MYO6: variants seen among roughly 807,000 people sequenced by gnomAD.
MYO6 encodes unconventional myosin-VI.
In MYO6, 74 loss-of-function variants were observed where a neutral mutation model predicts 178.7. The observed-to-expected ratio is 0.41, with a 90% CI of 0.34 to 0.50. The LOEUF (loss-of-function observed/expected upper bound fraction) is 0.50. Among genes scored for constraint, MYO6 ranks in the 20% least tolerant of loss-of-function variants. MYO6 has a pLI of 0.09. For missense variants in MYO6, 1,330 were observed against 1,547.4 expected, an observed-to-expected ratio of 0.86 and a Z score of 2.36; for synonymous variants, 477 against 504.6, an observed-to-expected ratio of 0.95 and a Z score of 0.73.
rs546375259 is a variant in MYO6, at chr6:75,817,608, A to T, written c.61A>T (p.Ile21Phe). 7.4e-6 allele frequency: 12 copies of T among 1,614,178 alleles called. No homozygotes were observed. In the East Asian group the frequency reaches 2.5e-4, roughly 33 times the overall value. ...HPTDGFQMGN[I>F]VDIGPDSLTI... Reference sequence around the variant, plus strand: ...TACAGATGGATTTCAGATGGGCAATATTGTGGATATTGGCCCCGACAGCTT... The same window carrying T: ...TACAGATGGATTTCAGATGGGCAATTTTGTGGATATTGGCCCCGACAGCTT... Residue 21 changes from isoleucine (I) to phenylalanine (F), a missense_variant, in exon 2 of 35, where the codon ATT becomes TTT. Physicochemically the swap from Ile to Phe is conservative, Grantham distance 21. Around this residue, in one of 3 missense-constraint regions of MYO6, gnomAD observed 116 missense variants for 104.6 expected, o/e 1.11. Coordinates refer to ENST00000369977, the MANE Select transcript of MYO6 (RefSeq NM_004999.4).
intron 28 of MYO6, 23 bp from the exon 29 acceptor site, chr6:75,895,208 A>G (rs985372433): frequency 6.3e-7 from 1 of 1,580,704 alleles, no homozygotes; most frequent in South Asian, 1.1e-5. Context: ...TACGATATTA[A>G]CTAAAATATA....
chr6:75,766,857 G>A (rs1778462400), intron 1 of MYO6, among the ~76,000 whole-genome samples: 1 of 152,138 alleles, frequency 6.6e-6, no homozygotes, highest in Admixed American at 6.5e-5. Flanking sequence ...CTCTGAATTT[G>A]CTGTTCATTT....
chr6:75,817,631 C>T lies in MYO6; in HGVS notation c.84C>T (p.Ser28=), dbSNP rs1302800180. ...MGNIVDIGPD[S]LTIEPLNQKG... ...ATATTGTGGATATTGGCCCCGACAGCTTAACAATTGAACCCTTGAATCAGA... is the reference window on the plus strand; with the variant it reads ...ATATTGTGGATATTGGCCCCGACAGTTTAACAATTGAACCCTTGAATCAGA... Residue 28 remains serine, a synonymous_variant, in exon 2 of 35, where the codon AGC becomes AGT. Coordinates refer to ENST00000369977, the MANE Select transcript of MYO6 (RefSeq NM_004999.4). 1 of 1,614,144 alleles carries T rather than the reference C, an allele frequency of 6.2e-7. No individual in the cohort carries two copies. The highest frequency in any genetic ancestry group is 1.1e-5 in the South Asian group (1 of 91,084).
At chr6:75,814,351 A>T (rs1020242445) in intron 1 of MYO6, among the ~76,000 whole-genome samples, 13 of 152,042 alleles carry the variant, frequency 8.6e-5, no homozygotes, top group African/African-American at 3.1e-4. Flanking sequence ...CTTTGATGTG[A>T]TGTTAAAACC....
At position 75,891,265 on chromosome 6, in the gene MYO6, G is replaced by GA; in HGVS notation, c.2907dup (p.Glu970ArgfsTer8). On this transcript the variant is annotated frameshift_variant, in exon 27 of 35. Coordinates refer to ENST00000369977, the MANE Select transcript of MYO6 (RefSeq NM_004999.4). LOFTEE classifies it high-confidence loss of function. ...GGAAGCAAAGAGAAAACAAGAAGAA[G>GA]AAGAGAGAAAGAAAAGGGAAGATGA... 6.2e-7 allele frequency: 1 copy of GA among 1,609,612 alleles called. No homozygotes were observed. Among genetic ancestry groups the GA allele is most frequent in the Admixed American group, 1.7e-5 (1 of 59,832 alleles).
intron 1 of MYO6, among the ~76,000 whole-genome samples, chr6:75,755,202 C>T (rs545466692): frequency 2.8e-4 from 43 of 152,296 alleles, no homozygotes; most frequent in African/African-American, 1.0e-3. Context: ...CACTGCACTC[C>T]AGTCTGGGTG....
chr6:75,756,677 T>A (rs1262955840), intron 1 of MYO6, among the ~76,000 whole-genome samples: 1 of 152,136 alleles, frequency 6.6e-6, no homozygotes. Flanking sequence ...ATGTCAGATA[T>A]TATGCCAAGT....
intron 2 of MYO6, among the ~76,000 whole-genome samples, chr6:75,821,909 T>C (rs1771912711): frequency 6.6e-6 from 1 of 152,220 alleles, no homozygotes; most frequent in African/African-American, 2.4e-5. Context: ...AAAATAAATA[T>C]AAGTATTCAT....
At chr6:75,899,412 T>G (rs887263454) in intron 30 of MYO6, among the ~76,000 whole-genome samples, 1 of 152,084 alleles carries the variant, frequency 6.6e-6, no homozygotes, top group Admixed American at 6.6e-5. Context: ...TAGAAAAGAC[T>G]CCCAGAACAG....
At chr6:75,815,079 TGAAGTGGCACGAGTA>T (rs1274392708) in intron 1 of MYO6, among the ~76,000 whole-genome samples, 2 of 152,172 alleles carry the variant, frequency 1.3e-5, no homozygotes, top group Non-Finnish European at 2.9e-5. Flanking sequence ...GTGATATGTG[TGAAGTGGCACGAGTA>T]GAAGCAGGCA....
intron 1 of MYO6, among the ~76,000 whole-genome samples, chr6:75,783,806 T>C (rs1288571419): frequency 6.6e-6 from 1 of 152,124 alleles, no homozygotes; most frequent in Non-Finnish European, 1.5e-5. Flanking sequence ...ATGACCTTTA[T>C]TTGTGAATTT....
intron 3 of MYO6, 116 bp from the exon 4 acceptor site, chr6:75,828,424 A>G (rs557905273): frequency 2.2e-5 from 15 of 696,246 alleles, no homozygotes; most frequent in Middle Eastern, 4.1e-4. Context: ...ATGGAGTTAA[A>G]TGTAACCTAA....
At position 75,894,769 on chromosome 6, in the gene MYO6, T is replaced by C. The variant is rs775020487; in HGVS notation, c.3108-462T>C. On this transcript the variant is annotated intron_variant, in intron 28 of 34. Coordinates refer to ENST00000369977, the MANE Select transcript of MYO6 (RefSeq NM_004999.4). ...GCTGTGTTAAAAAATGTATATATTA[T>C]AGATAGATTCTGCTTCAATAAGCAA... 2.9e-6 allele frequency: 4 copies of C among 1,391,044 alleles called. No individual in the cohort carries two copies. In the Admixed American group the frequency reaches 9.0e-5, roughly 31 times the overall value. The allele number at this position is 1,391,044 out of a possible 1,614,324, so 86.2% of individuals were successfully genotyped here. A position where few individuals can be genotyped will look rare whatever the true frequency, so the allele number is the denominator to read the frequency against.
At chr6:75,816,962 G>C (rs1326663427) in intron 1 of MYO6, among the ~76,000 whole-genome samples, 2 of 152,218 alleles carry the variant, frequency 1.3e-5, no homozygotes, top group Admixed American at 6.5e-5. Context: ...GGCAGTAGTA[G>C]AGCAGGTGTA....
At chr6:75,890,609 C>T (rs979677950) in intron 26 of MYO6, among the ~76,000 whole-genome samples, 10 of 152,052 alleles carry the variant, frequency 6.6e-5, no homozygotes, top group East Asian at 1.9e-4. Flanking sequence ...CCTCCCAAAG[C>T]GCTTGGATTA....
intron 11 of MYO6, among the ~76,000 whole-genome samples, chr6:75,849,638 C>T (rs1775067512): frequency 6.6e-6 from 1 of 152,098 alleles, no homozygotes; most frequent in South Asian, 2.1e-4. Context: ...AGCAGAGTGA[C>T]AGTACAAAGC....
At chr6:75,866,215 C>A (rs1776653352) in intron 16 of MYO6, among the ~76,000 whole-genome samples, 1 of 151,180 alleles carries the variant, frequency 6.6e-6, no homozygotes, top group African/African-American at 2.4e-5. Flanking sequence ...TTATTACAAG[C>A]ATGTTCTTTT....
At chr6:75,834,983 A>G (rs1665002279) in intron 6 of MYO6, among the ~76,000 whole-genome samples, 1 of 152,252 alleles carries the variant, frequency 6.6e-6, no homozygotes, top group Non-Finnish European at 1.5e-5. Flanking sequence ...TAAACTTATA[A>G]TATGAACTTA....
chr6:75,903,805 G>A (rs1008884034), intron 30 of MYO6, among the ~76,000 whole-genome samples: 4 of 151,882 alleles, frequency 2.6e-5, no homozygotes, highest in African/African-American at 9.7e-5. Flanking sequence ...GTTAGTTGAT[G>A]CAGTTTCTTC....
Sources: allele counts gnomAD v4.1 joint callset (sites outside exome capture counted in the v4.1 genomes callset), GRCh38; gene constraint gnomAD v4.1.1; regional missense constraint gnomAD v4.1.1; transcripts MANE v1.5; gene names NCBI Gene and HGNC (gene_info 2026-07-23, HGNC 2026-07-21).